ZC3H4: variants seen among roughly 807,000 people sequenced by gnomAD.
The protein encoded by ZC3H4 is zinc finger CCCH domain-containing protein 4.
ZC3H4 carries 13 observed loss-of-function variants against 108.3 expected under a neutral mutation model. That is an observed-to-expected ratio of 0.12 (90% confidence interval 0.08 to 0.19). The LOEUF is 0.19. Ranked by LOEUF, ZC3H4 falls within the 10% of genes least tolerant of loss-of-function variation. The pLI is 1.00. For missense variants in ZC3H4, 1,734 were observed against 1,838.8 expected (o/e 0.94, Z 1.04); for synonymous variants, 917 against 749.6 (o/e 1.22, Z -3.65).
At position 47,072,420 on chromosome 19, in the gene ZC3H4, CTTG is replaced by C. The variant is rs2057346241; in HGVS notation, c.1731_1733del (p.Asn577del). On this transcript the variant is annotated inframe_deletion, in exon 12 of 15. Coordinates refer to ENST00000253048, the MANE Select transcript of ZC3H4 (RefSeq NM_015168.2). This position sits in a 1 kb window ranked among gnomAD's most constrained non-coding sequence, Gnocchi z 5.6. ...CGATCTCAAACAAGGAGGGGATCTT[CTTG>C]TTGTACATGTCCTGCTGCTGCAGCT... 8 of 1,612,384 alleles carry C rather than the reference CTTG, an allele frequency of 5.0e-6. No individual in the cohort carries two copies. The highest frequency in any genetic ancestry group is 6.8e-6 in the Non-Finnish European group (8 of 1,179,596).
chr19:47,081,461 T>C (rs901246016), intron 11 of ZC3H4, 52 bp downstream of exon 11: 1 of 1,397,876 alleles, frequency 7.2e-7, no homozygotes, highest in East Asian at 2.3e-5. Flanking sequence ...GGCAATGGAG[T>C]GCGCATGTCC....
intron 2 of ZC3H4, among the ~76,000 whole-genome samples, chr19:47,100,334 A>G (rs1418990963): frequency 6.6e-6 from 1 of 152,198 alleles, no homozygotes; most frequent in Non-Finnish European, 1.5e-5. Context: ...ACCTAGGTTC[A>G]TCAACCAGAA....
chr19:47,083,160 T>A (rs1200621038), intron 9 of ZC3H4, among the ~76,000 whole-genome samples: 1 of 150,974 alleles, frequency 6.6e-6, no homozygotes, highest in Non-Finnish European at 1.5e-5. Context: ...TTCTCCTGCC[T>A]CAGCGTCCCA....
intron 11 of ZC3H4, among the ~76,000 whole-genome samples, chr19:47,073,114 A>G (rs1360067136): frequency 6.6e-6 from 1 of 151,938 alleles, no homozygotes; most frequent in African/African-American, 2.4e-5. Flanking sequence ...CTCTACTAAA[A>G]ATACAAAAAT....
intron 2 of ZC3H4, among the ~76,000 whole-genome samples, chr19:47,100,631 G>A (rs1293029646): frequency 6.6e-6 from 1 of 151,814 alleles, no homozygotes; most frequent in Non-Finnish European, 1.5e-5. Context: ...AACCCAGCCT[G>A]GGTATTTGAG....
Position 47,067,900 on chromosome 19 carries a change from G to A in ZC3H4, c.2399-31C>T, listed in dbSNP as rs1312935062. On this transcript the variant is annotated intron_variant, in intron 14 of 14. Coordinates refer to ENST00000253048, the MANE Select transcript of ZC3H4 (RefSeq NM_015168.2). The surrounding 1 kb of genome is among the most constrained non-coding windows in gnomAD (Gnocchi z 6.4). ...AAAGAACAGAGGAGCAGGGAGGGGT[G>A]AGTGGGCGCATCCACCACCCGCCCT... 6.4e-7 allele frequency: 1 copy of A among 1,550,750 alleles called. No individual in the cohort carries two copies. Among genetic ancestry groups the A allele is most frequent in the East Asian group, 2.4e-5 (1 of 42,026 alleles).
intron 5 of ZC3H4, among the ~76,000 whole-genome samples, chr19:47,087,805 C>T (rs767937031): frequency 2.6e-5 from 4 of 152,046 alleles, no homozygotes; most frequent in Non-Finnish European, 4.4e-5. Flanking sequence ...ACCTCGGAGG[C>T]GGAGGTTGCA....
chr19:47,112,106 A>C, intron 2 of ZC3H4: 1 of 1,045,694 alleles, frequency 9.6e-7, no homozygotes. Context: ...CCTCCCCAGG[A>C]CAGGCGGACG....
At position 47,072,236 on chromosome 19, in the gene ZC3H4, C is replaced by G. The variant is rs903668745; in HGVS notation, c.1803-115G>C. 1 of 1,398,226 alleles carries G rather than the reference C, an allele frequency of 7.2e-7. No homozygotes were observed. The highest frequency in any genetic ancestry group is 9.7e-7 in the Non-Finnish European group (1 of 1,034,868). The allele number at this position is 1,398,226 out of a possible 1,614,324, so 86.6% of individuals were successfully genotyped here. The stretch of plus-strand genomic sequence containing the variant: ...AGGTCATGGGCCCCAGACCAGGACT[C>G]CCACAGCTGGGGAGAGAGGCAGGAC... On this transcript the variant is annotated intron_variant, in intron 12 of 14. Coordinates refer to ENST00000253048, the MANE Select transcript of ZC3H4 (RefSeq NM_015168.2). The surrounding 1 kb of genome is among the most constrained non-coding windows in gnomAD (Gnocchi z 5.6).
chr19:47,092,764 C>A (rs1356902544), intron 4 of ZC3H4, among the ~76,000 whole-genome samples: 1 of 151,850 alleles, frequency 6.6e-6, no homozygotes, highest in Non-Finnish European at 1.5e-5. Context: ...TTGCAGTGAA[C>A]CGAGATTGCC....
intron 3 of ZC3H4, 96 bp downstream of exon 3, chr19:47,094,293 A>C: frequency 1.5e-6 from 2 of 1,370,942 alleles, no homozygotes; most frequent in Admixed American, 1.8e-5. Context: ...AGGCATTAAG[A>C]GTGCCCTCTG....
rs756071493 is a variant in ZC3H4, at chr19:47,067,470, C to T, written c.2798G>A (p.Arg933Gln). The change falls in exon 15 of 15, where the codon CGG becomes CAG. Residue 933 changes from arginine to glutamine, a missense_variant. Physicochemically the swap from Arg to Gln is conservative, Grantham distance 43. This residue lies in a region of ZC3H4 where 540 missense variants were observed against 484.1 expected (regional missense o/e 1.12). Transcript: ENST00000253048. The surrounding 1 kb of genome is among the most constrained non-coding windows in gnomAD (Gnocchi z 6.4). The stretch of plus-strand genomic sequence containing the variant: ...CAGGGGAATGTTCACGGCCTTCTCC[C>T]GCAGGGCCCGCTCCCCTTCCTCCTC... ...TEEEEGERAL[R>Q]EKAVNIPLDP... The T allele has an allele frequency of 1.0e-5, 16 of 1,581,550 alleles. No individual in the cohort carries two copies. In the South Asian group the frequency reaches 1.4e-4, roughly 14 times the overall value.
intron 2 of ZC3H4, among the ~76,000 whole-genome samples, chr19:47,099,508 GACACTGCTGACTGCTGGTCAAC>G: frequency 6.6e-6 from 1 of 151,414 alleles, no homozygotes; most frequent in Non-Finnish European, 1.5e-5. Flanking sequence ...CTCCCTGACG[GACACTGCTGACTGCTGGTCAAC>G]AAGTTCTTTC....
In ZC3H4 at chr19:47,069,277, A is replaced by C. The variant is rs750046703; in HGVS notation, c.2213T>G (p.Leu738Arg). Residue 738 changes from leucine (L) to arginine (R), a missense_variant, in exon 14 of 15, where the codon CTG becomes CGG. By Grantham distance (102) the Leu-to-Arg change is moderately radical. Transcript: ENST00000253048. ...TCCCTCAGAGAAGCTGTCGGGCTCC[A>C]GAGGGTGCTCAGGGAAGAGGTGCTC... Reference protein sequence around the residue: ...PGEHLFPEHPLEPDSFSEGGP... With the variant: ...PGEHLFPEHPREPDSFSEGGP... The C allele has an allele frequency of 6.8e-6, 11 of 1,613,970 alleles. No homozygotes were observed. In the Admixed American group the frequency reaches 1.8e-4, roughly 27 times the overall value.
chr19:47,068,529 C>T (rs905695538), intron 14 of ZC3H4, among the ~76,000 whole-genome samples: 8 of 152,236 alleles, frequency 5.3e-5, no homozygotes, highest in African/African-American at 1.7e-4. Context: ...CAGCCTGGGC[C>T]ATCAGGGGAG....
intron 11 of ZC3H4, among the ~76,000 whole-genome samples, chr19:47,074,647 T>C (rs1350622362): frequency 1.3e-5 from 2 of 152,212 alleles, no homozygotes; most frequent in Non-Finnish European, 2.9e-5. Context: ...ATGCAGTTTG[T>C]GCTGAATGCC....
rs987468215 is a variant in ZC3H4, at chr19:47,084,495, G to A, written c.1108-40C>T. On this transcript the variant is annotated intron_variant, in intron 8 of 14. Transcript: ENST00000253048. ...GTGTGGACGTAAAGGGGAATGAAAGGGAAGGGTAGAGATGGGATCGGGGTT... is the reference window on the plus strand; with the variant it reads ...GTGTGGACGTAAAGGGGAATGAAAGAGAAGGGTAGAGATGGGATCGGGGTT... 2.5e-6 allele frequency: 4 copies of A among 1,603,958 alleles called. No homozygotes were observed. The African/African-American group carries it at 4.0e-5, about 16-fold the overall frequency.
At chr19:47,098,920 G>A (rs1351730231) in intron 2 of ZC3H4, among the ~76,000 whole-genome samples, 2 of 152,150 alleles carry the variant, frequency 1.3e-5, no homozygotes, top group East Asian at 3.8e-4. Context: ...CCTCTTCTCT[G>A]GAGTATGCTC....
At position 47,067,920 on chromosome 19, in the gene ZC3H4, C is replaced by A; in HGVS notation, c.2399-51G>T. ...GGGGTGAGTGGGCGCATCCACCACC[C>A]GCCCTCTTGGATCCCACAGCAGCCC... On this transcript the variant is annotated intron_variant, in intron 14 of 14. Coordinates refer to ENST00000253048, the MANE Select transcript of ZC3H4 (RefSeq NM_015168.2). This position sits in a 1 kb window ranked among gnomAD's most constrained non-coding sequence, Gnocchi z 6.4. The A allele has an allele frequency of 1.3e-6, 2 of 1,518,514 alleles. No homozygotes were observed. The highest frequency in any genetic ancestry group is 1.2e-5 in the South Asian group (1 of 83,492). The allele number at this position is 1,518,514 out of a possible 1,614,324, so 94.1% of individuals were successfully genotyped here. A position where few individuals can be genotyped will look rare whatever the true frequency, so the allele number is the denominator to read the frequency against.
Sources: gnomAD v4.1 joint callset for allele counts (sites outside exome capture counted in the v4.1 genomes callset) on GRCh38, gnomAD v4.1.1 for gene constraint, gnomAD v4.1.1 regional missense constraint, Gnocchi (gnomAD v3.1) non-coding constraint, MANE v1.5 for transcripts, NCBI Gene and HGNC (gene_info 2026-07-23, HGNC 2026-07-21) for gene names.